Variants in WDR37 observed in about 807,000 individuals in gnomAD.
WDR37 encodes WD repeat-containing protein 37.
A neutral mutation model predicts 62.9 loss-of-function variants in WDR37; 19 were observed. That is an observed-to-expected ratio of 0.30 (90% confidence interval 0.21 to 0.44). WDR37 has a LOEUF of 0.44. WDR37 is among the 20% of genes least tolerant of loss of function. WDR37 has a pLI of 1.00. For synonymous variants in WDR37, 250 were observed against 260.9 expected, an observed-to-expected ratio of 0.96 and a Z score of 0.40; for missense variants, 474 against 657.6, an observed-to-expected ratio of 0.72 and a Z score of 3.05.
chr10:1,094,507 A>G (rs1376871070), intron 8 of WDR37, among the ~76,000 whole-genome samples: 1 of 152,222 alleles, frequency 6.6e-6, no homozygotes, highest in African/African-American at 2.4e-5. Context: ...CCTGAGAGTC[A>G]TTTTGAGCAG....
At chr10:1,071,410 C>T (rs935251677) in intron 1 of WDR37, among the ~76,000 whole-genome samples, 2 of 151,966 alleles carry the variant, frequency 1.3e-5, no homozygotes, top group Non-Finnish European at 2.9e-5. Context: ...AATATATTAC[C>T]TAAGATTGTA....
At chr10:1,107,807 CTG>C (rs965257479) in intron 11 of WDR37, among the ~76,000 whole-genome samples, 2 of 151,988 alleles carry the variant, frequency 1.3e-5, no homozygotes, top group South Asian at 2.1e-4. Flanking sequence ...TGCAGCACTG[CTG>C]TCTCTCTTTA....
rs771336782 is a variant in WDR37 at position 1,124,335 on chromosome 10, G to A, written c.1221G>A (p.Thr407=). ...GATCCCCCATTGCAACTATTCGCAC[G>A]GACTCTGCCATTAACAGGTAAAGTC... is the stretch of plus-strand genomic sequence containing the variant. ...NMRSPIATIR[T]DSAINRINVC... is the part of the protein sequence containing the mutation. The change falls in exon 12 of 14, where the codon ACG becomes ACA. Residue 407 remains threonine, a synonymous_variant. Transcript: ENST00000263150. The A allele has an allele frequency of 8.7e-6, 14 of 1,614,046 alleles. No individual in the cohort carries two copies. The highest frequency in any genetic ancestry group is 2.2e-5 in the East Asian group (1 of 44,900).
At chr10:1,102,072 C>CGT in intron 9 of WDR37, among the ~76,000 whole-genome samples, 1 of 141,880 alleles carries the variant, frequency 7.0e-6, no homozygotes, top group Middle Eastern at 4.5e-3. Context: ...GTCCATGTGA[C>CGT]ATGTTTCCGT....
rs1833182846 is a variant in WDR37 at position 1,056,714 on chromosome 10, C to T, written c.-295C>T. 6.6e-6 allele frequency: 1 copy of T among 152,320 alleles called. No individual in the cohort carries two copies. Among genetic ancestry groups the T allele is most frequent in the African/African-American group, 2.4e-5 (1 of 41,460 alleles). The allele number at this position is 152,320 out of a possible 1,614,324, so 9.4% of individuals were successfully genotyped here. On this transcript the variant is annotated 5_prime_UTR_variant, in exon 1 of 14. Transcript: ENST00000263150. ...CTGCGGGGCGGAAGCCGGGGCGTGA[C>T]TTCCGGCGCCGCCGGGTGTGGGGCG...
chr10:1,072,501 A>G (rs1442004550), intron 2 of WDR37, among the ~76,000 whole-genome samples: 1 of 152,136 alleles, frequency 6.6e-6, no homozygotes, highest in African/African-American at 2.4e-5. Flanking sequence ...TTTAGTAGAG[A>G]CAGGGTTTCA....
rs117064546 is a variant in WDR37, at chr10:1,087,221, C to T, written c.604+864C>T. Among the ~76,000 whole-genome samples, 583 of 152,312 alleles carry T rather than the reference C, an allele frequency of 3.8e-3. 9 individuals are homozygous for T. In the East Asian group the frequency reaches 0.042, roughly 11 times the overall value. ...GCTGGCGCCTTTCCCGTGTTAGACCCCCTCCTCCGTGCTGCCTTCTTACCT... is the reference window on the plus strand; with the variant it reads ...GCTGGCGCCTTTCCCGTGTTAGACCTCCTCCTCCGTGCTGCCTTCTTACCT... On this transcript the variant is annotated intron_variant, in intron 7 of 13. Transcript: ENST00000263150.
intron 5 of WDR37, among the ~76,000 whole-genome samples, chr10:1,083,582 C>A (rs950318534): frequency 6.6e-6 from 1 of 152,176 alleles, no homozygotes; most frequent in Non-Finnish European, 1.5e-5. Flanking sequence ...TGTTTTCTTA[C>A]CAAAGAAAAA....
At chr10:1,100,741 G>T (rs974975312) in intron 9 of WDR37, among the ~76,000 whole-genome samples, 4 of 152,138 alleles carry the variant, frequency 2.6e-5, no homozygotes, top group Non-Finnish European at 5.9e-5. Flanking sequence ...TCTTTGAGGG[G>T]TTCACCCCGT....
At chr10:1,104,347 G>T (rs1170955809) in intron 10 of WDR37, among the ~76,000 whole-genome samples, 1 of 152,232 alleles carries the variant, frequency 6.6e-6, no homozygotes, top group Admixed American at 6.5e-5. Flanking sequence ...TGCCAGCCGG[G>T]GCTCCTCTGG....
rs958270702 is a variant in WDR37 at position 1,105,718 on chromosome 10, A to T, written c.1103+451A>T. Reference sequence around the variant, plus strand: ...GGAGAAGGTATACACATAGACGCGCAAACACAGACATAGACCCTCAATCCA... The same window carrying T: ...GGAGAAGGTATACACATAGACGCGCTAACACAGACATAGACCCTCAATCCA... On this transcript the variant is annotated intron_variant, in intron 11 of 13. Coordinates refer to ENST00000263150, the MANE Select transcript of WDR37 (RefSeq NM_014023.4). This position sits in a 1 kb window ranked among gnomAD's most constrained non-coding sequence, Gnocchi z 5.3. Among the ~76,000 whole-genome samples the T allele has an allele frequency of 6.6e-6, 1 of 152,074 alleles. No individual in the cohort carries two copies. The highest frequency in any genetic ancestry group is 1.5e-5 in the Non-Finnish European group (1 of 68,008).
rs559003431 is a variant in WDR37 at position 1,094,533 on chromosome 10, C to T, written c.649+1037C>T. Among the ~76,000 whole-genome samples the T allele has an allele frequency of 5.9e-5, 9 of 152,296 alleles. No individual in the cohort carries two copies. In the South Asian group the frequency reaches 1.9e-3, roughly 32 times the overall value. ...TTTTGAGCAGGCCCAGACCACATAGCTGACTTTCACCTTCATACGTGGATG... is the reference window on the plus strand; with the variant it reads ...TTTTGAGCAGGCCCAGACCACATAGTTGACTTTCACCTTCATACGTGGATG... On this transcript the variant is annotated intron_variant, in intron 8 of 13. Coordinates refer to ENST00000263150, the MANE Select transcript of WDR37 (RefSeq NM_014023.4).
At chr10:1,064,544 C>G (rs1833477593) in intron 1 of WDR37, among the ~76,000 whole-genome samples, 1 of 145,632 alleles carries the variant, frequency 6.9e-6, no homozygotes, top group African/African-American at 2.5e-5. Flanking sequence ...AGAGATACCA[C>G]TTGACCTGTA....
At chr10:1,093,108 A>T (rs934527713) in intron 7 of WDR37, among the ~76,000 whole-genome samples, 5 of 152,066 alleles carry the variant, frequency 3.3e-5, no homozygotes, top group Non-Finnish European at 5.9e-5. Flanking sequence ...TGTCTGCCAC[A>T]CTATAATTTG....
intron 2 of WDR37, chr10:1,074,390 A>T: frequency 6.9e-6 from 9 of 1,296,314 alleles, no homozygotes; most frequent in Non-Finnish European, 9.1e-6. Context: ...AGAGGTCTCC[A>T]AGCCGCACGG....
intron 2 of WDR37, among the ~76,000 whole-genome samples, chr10:1,073,243 C>A (rs1833777496): frequency 1.3e-5 from 2 of 152,206 alleles, no homozygotes; most frequent in Non-Finnish European, 2.9e-5. Context: ...AACTTACAAC[C>A]ATTCCTTCAC....
At chr10:1,081,104 G>C (rs200503065) in intron 5 of WDR37, among the ~76,000 whole-genome samples, 2 of 152,138 alleles carry the variant, frequency 1.3e-5, no homozygotes, top group East Asian at 3.8e-4. Context: ...TGAAAATTAT[G>C]TTCTGAGCTA....
In WDR37 at chr10:1,065,785, G is replaced by A. The variant is rs978453590; in HGVS notation, c.-40-6331G>A. Among the ~76,000 whole-genome samples the A allele has an allele frequency of 2.6e-5, 4 of 152,180 alleles. No individual in the cohort carries two copies. In the East Asian group the frequency reaches 5.8e-4, roughly 22 times the overall value. On this transcript the variant is annotated intron_variant, in intron 1 of 13. Transcript: ENST00000263150. ...TATTCAGGGCAAAGCAAGGGTGTTT[G>A]CTGTCACTATAGTAATTTAAGATAG...
intron 13 of WDR37, among the ~76,000 whole-genome samples, chr10:1,126,977 G>T (rs1835809661): frequency 6.6e-6 from 1 of 152,140 alleles, no homozygotes; most frequent in Non-Finnish European, 1.5e-5. Context: ...GCCATAAATT[G>T]CTTGTCCTGG....
Sources: allele counts gnomAD v4.1 joint callset (sites outside exome capture counted in the v4.1 genomes callset), GRCh38; gene constraint gnomAD v4.1.1; non-coding constraint Gnocchi (gnomAD v3.1); transcripts MANE v1.5; gene names NCBI Gene and HGNC (gene_info 2026-07-23, HGNC 2026-07-21).